BACH2: variants seen among roughly 807,000 people sequenced by gnomAD.
The protein encoded by BACH2 is transcription regulator protein BACH2.
In BACH2, 5 loss-of-function variants were observed where a neutral mutation model predicts 61.8. That is an observed-to-expected ratio of 0.08 (90% CI 0.04 to 0.17). BACH2 has a LOEUF of 0.17. Ranked by LOEUF, BACH2 falls within the 10% of genes least tolerant of loss-of-function variation. The pLI, the probability that BACH2 is intolerant of heterozygous loss-of-function variation, is 1.00. For missense variants in BACH2, 824 were observed against 1,091.1 expected (o/e 0.76, Z 3.45); for synonymous variants, 446 against 440.1 (o/e 1.01, Z -0.17).
chr6:90,106,531 A>G (rs542793749), intron 4 of BACH2, among the ~76,000 whole-genome samples: 36 of 152,338 alleles, frequency 2.4e-4, no homozygotes, highest in Non-Finnish European at 4.6e-4. Flanking sequence ...GCAGTAGGCT[A>G]TACCATCTAG....
chr6:90,018,570 G>A (rs944225147), intron 5 of BACH2, among the ~76,000 whole-genome samples: 1 of 152,070 alleles, frequency 6.6e-6, no homozygotes, highest in Non-Finnish European at 1.5e-5. Context: ...CTCCATCTTG[G>A]CTGAAAGTAA....
rs535402729 is a variant in BACH2, at chr6:90,230,759, C to A, written c.-275+21754G>T. On this transcript the variant is annotated intron_variant, in intron 3 of 8. Coordinates refer to ENST00000257749, the MANE Select transcript of BACH2 (RefSeq NM_021813.4). ...CCCCACATGATGATAAATAGCAGAA[C>A]TTGACAGCCAGAGGAAACTCAGCCC... 2.0e-5 allele frequency among the ~76,000 whole-genome samples: 3 copies of A among 152,284 alleles called. No homozygotes were observed. The South Asian group carries it at 6.2e-4, about 32-fold the overall frequency.
chr6:90,100,702 G>T (rs192853857), intron 4 of BACH2, among the ~76,000 whole-genome samples: 47 of 64,240 alleles, frequency 7.3e-4, no homozygotes, highest in Admixed American at 1.4e-3. Context: ...CACACACACA[G>T]ACACACACAC....
intron 5 of BACH2, among the ~76,000 whole-genome samples, chr6:90,017,733 T>C (rs1349413545): frequency 6.6e-6 from 1 of 152,242 alleles, no homozygotes; most frequent in Non-Finnish European, 1.5e-5. Context: ...ACTTGGAATA[T>C]AGTTATAATA....
chr6:90,016,859 C>T (rs1294418591), intron 5 of BACH2, among the ~76,000 whole-genome samples: 1 of 149,378 alleles, frequency 6.7e-6, no homozygotes, highest in Non-Finnish European at 1.5e-5. Context: ...ACTGTCTTTT[C>T]ACCTGCATTG....
At chr6:90,014,461 TA>T in intron 5 of BACH2, among the ~76,000 whole-genome samples, 7 of 70,294 alleles carry the variant, frequency 1.0e-4, no homozygotes, top group African/African-American at 5.7e-4. Context: ...TATATATATA[TA>T]TATATATTTT....
chr6:90,029,490 A>T (rs3857499), intron 5 of BACH2, among the ~76,000 whole-genome samples: 1 of 151,966 alleles, frequency 6.6e-6, no homozygotes. Flanking sequence ...CTCACTCTCC[A>T]TCCTCCCTCC....
intron 5 of BACH2, among the ~76,000 whole-genome samples, chr6:90,071,980 T>G (rs1198241482): frequency 6.6e-6 from 1 of 152,102 alleles, no homozygotes; most frequent in Non-Finnish European, 1.5e-5. Flanking sequence ...TTGGTCTTGC[T>G]GTCTCAGGGG....
At chr6:90,070,199 C>T (rs1169794516) in intron 5 of BACH2, among the ~76,000 whole-genome samples, 1 of 152,184 alleles carries the variant, frequency 6.6e-6, no homozygotes, top group Non-Finnish European at 1.5e-5. Context: ...ACGGACAGCA[C>T]ACTGCCATCC....
chr6:90,246,528 T>C (rs1350233882), intron 3 of BACH2, among the ~76,000 whole-genome samples: 1 of 152,104 alleles, frequency 6.6e-6, no homozygotes, highest in Non-Finnish European at 1.5e-5. Context: ...TGTATTAAGA[T>C]ACATACATTC....
chr6:90,158,334 T>C (rs922623275), intron 4 of BACH2, among the ~76,000 whole-genome samples: 2 of 152,164 alleles, frequency 1.3e-5, no homozygotes, highest in African/African-American at 4.8e-5. Context: ...TGGTGCACAA[T>C]GTAGTGTGAC....
chr6:90,024,600 T>C (rs1044524878), intron 5 of BACH2, among the ~76,000 whole-genome samples: 4 of 152,234 alleles, frequency 2.6e-5, no homozygotes, highest in African/African-American at 9.6e-5. Context: ...TCTATGAAAG[T>C]ATAGGAACTT....
intron 5 of BACH2, among the ~76,000 whole-genome samples, chr6:90,022,918 G>A (rs947221276): frequency 6.6e-6 from 1 of 152,166 alleles, no homozygotes; most frequent in Non-Finnish European, 1.5e-5. Flanking sequence ...TCTGTATAAA[G>A]AGTGTTCACA....
chr6:90,003,831 C>A (rs1353423210), intron 6 of BACH2, among the ~76,000 whole-genome samples: 1 of 152,198 alleles, frequency 6.6e-6, no homozygotes, highest in Non-Finnish European at 1.5e-5. Context: ...GGCCAAAGGG[C>A]AGGCTCTGTG....
chr6:90,197,507 G>A (rs1768800235), intron 4 of BACH2, among the ~76,000 whole-genome samples: 1 of 152,158 alleles, frequency 6.6e-6, no homozygotes, highest in Admixed American at 6.5e-5. Flanking sequence ...CAGAAAAAGG[G>A]CAGAGTTGAG....
At chr6:90,083,916 CA>C (rs1335435148) in intron 5 of BACH2, among the ~76,000 whole-genome samples, 1 of 152,056 alleles carries the variant, frequency 6.6e-6, no homozygotes. Flanking sequence ...GAAGTTTTTC[CA>C]AAGCAGTTTC....
At chr6:90,165,746 T>C (rs1767587953) in intron 4 of BACH2, among the ~76,000 whole-genome samples, 2 of 151,988 alleles carry the variant, frequency 1.3e-5, no homozygotes, top group South Asian at 2.1e-4. Flanking sequence ...CCCTCAGAAA[T>C]AATGCCGCGT....
At chr6:90,196,763 T>C (rs1290678574) in intron 4 of BACH2, among the ~76,000 whole-genome samples, 5 of 152,194 alleles carry the variant, frequency 3.3e-5, no homozygotes, top group Non-Finnish European at 7.3e-5. Context: ...TAATTGCTTA[T>C]ATTTATATTT....
chr6:90,152,125 ATC>A (rs1435676452), intron 4 of BACH2, among the ~76,000 whole-genome samples: 1 of 152,204 alleles, frequency 6.6e-6, no homozygotes, highest in East Asian at 1.9e-4. Flanking sequence ...TTTAGAATAA[ATC>A]TCTTTCTCCT....
Sources: allele counts gnomAD v4.1 joint callset (sites outside exome capture counted in the v4.1 genomes callset), GRCh38; gene constraint gnomAD v4.1.1; transcripts MANE v1.5; gene names NCBI Gene and HGNC (gene_info 2026-07-23, HGNC 2026-07-21).